Variants in CDK6 observed in about 807,000 individuals in gnomAD.
CDK6 encodes the protein cyclin dependent kinase 6, also known as cyclin-dependent kinase 6.
A neutral mutation model predicts 37.1 loss-of-function variants in CDK6; 6 were observed. That is an observed-to-expected ratio of 0.16 (90% CI 0.09 to 0.32). CDK6 has a LOEUF of 0.32. Ranked by LOEUF, CDK6 falls within the 10% of genes least tolerant of loss-of-function variation. The pLI is 1.00. For missense variants in CDK6, 224 were observed against 418.9 expected, an observed-to-expected ratio of 0.53 and a Z score of 4.06; for synonymous variants, 160 against 161.3, an observed-to-expected ratio of 0.99 and a Z score of 0.06.
intron 4 of CDK6, among the ~76,000 whole-genome samples, chr7:92,682,127 C>G (rs976513056): frequency 6.6e-6 from 1 of 152,116 alleles, no homozygotes; most frequent in Non-Finnish European, 1.5e-5. Flanking sequence ...CCTCTGTGGT[C>G]TTTTCCTGCC....
intron 4 of CDK6, among the ~76,000 whole-genome samples, chr7:92,712,575 T>C (rs1048166178): frequency 2.6e-5 from 4 of 152,232 alleles, no homozygotes; most frequent in Admixed American, 2.6e-4. Flanking sequence ...CCCCACATCC[T>C]AAAACCAAGA....
At chr7:92,658,848 G>A (rs145626656) in intron 5 of CDK6, among the ~76,000 whole-genome samples, 38 of 152,164 alleles carry the variant, frequency 2.5e-4, no homozygotes, top group African/African-American at 8.7e-4. Flanking sequence ...AAAGTGTCAC[G>A]TGGAGTGAAA....
In CDK6 at chr7:92,618,136, T is replaced by A; in HGVS notation, c.770A>T (p.Lys257Ile). The A allele has an allele frequency of 6.2e-7, 1 of 1,614,178 alleles. No individual in the cohort carries two copies. Among genetic ancestry groups the A allele is most frequent in the East Asian group, 2.2e-5 (1 of 44,886 alleles). ...AAACTTCTCAATTGGTTGGGCAGAT[T>A]TTGAATGAAAAGCCTGCCTGGGAAG... Reference protein sequence around the residue: ...VALPRQAFHSKSAQPIEKFVT... With the variant: ...VALPRQAFHSISAQPIEKFVT... Residue 257 changes from lysine to isoleucine, a missense_variant, in exon 7 of 8, where the codon AAA (lysine) becomes ATA (isoleucine). By Grantham distance (102) the Lys-to-Ile change is moderately radical (BLOSUM62 -3). Transcript: ENST00000424848.
Position 92,833,019 on chromosome 7 carries a change from T to G in CDK6, c.233+72A>C. ...CCTCTGCCCCGCACCTTTCTGGGCC[T>G]GAGGATTCCCGGCTCGGCCCTCCCC... is the stretch of plus-strand genomic sequence containing the variant. On this transcript the variant is annotated intron_variant, in intron 2 of 7. Coordinates refer to ENST00000424848, the MANE Select transcript of CDK6 (RefSeq NM_001145306.2). This position sits in a 1 kb window ranked among gnomAD's most constrained non-coding sequence, Gnocchi z 6.1. 2 of 1,112,914 alleles carry G rather than the reference T, an allele frequency of 1.8e-6. No homozygotes were observed. Among genetic ancestry groups the G allele is most frequent in the South Asian group, 2.9e-5 (2 of 68,920 alleles). The allele number at this position is 1,112,914 out of a possible 1,614,324, so 68.9% of individuals were successfully genotyped here. A position where few individuals can be genotyped will look rare whatever the true frequency, so the allele number is the denominator to read the frequency against.
intron 4 of CDK6, among the ~76,000 whole-genome samples, chr7:92,718,306 G>A (rs1275405908): frequency 6.6e-6 from 1 of 152,142 alleles, no homozygotes; most frequent in East Asian, 1.9e-4. Flanking sequence ...GTGCCGAGGC[G>A]ACGGGGCTTT....
intron 6 of CDK6, 57 bp downstream of exon 6, chr7:92,622,979 T>A (rs757099616): frequency 9.5e-7 from 1 of 1,053,734 alleles, no homozygotes; most frequent in Non-Finnish European, 1.4e-6. Context: ...CAGAGGAAAG[T>A]CACTGTAAAT....
At chr7:92,686,006 T>A (rs1797442981) in intron 4 of CDK6, among the ~76,000 whole-genome samples, 1 of 152,224 alleles carries the variant, frequency 6.6e-6, no homozygotes, top group Non-Finnish European at 1.5e-5. Flanking sequence ...TTTTACAGAA[T>A]GTGGTGTTGC....
chr7:92,788,961 A>AT (rs533300196), intron 2 of CDK6, among the ~76,000 whole-genome samples: 76 of 147,486 alleles, frequency 5.2e-4, no homozygotes, highest in Middle Eastern at 3.5e-3. Flanking sequence ...TCTACAAAAG[A>AT]TTTTTTTTTT....
chr7:92,725,431 A>C (rs2116708508), intron 4 of CDK6, 195 bp downstream of exon 4: 1 of 730,008 alleles, frequency 1.4e-6, no homozygotes, highest in East Asian at 1.3e-4. Context: ...GTCCACAACA[A>C]GCCCAGGCTG....
intron 3 of CDK6, among the ~76,000 whole-genome samples, chr7:92,726,208 G>A (rs1379976563): frequency 3.9e-5 from 6 of 152,048 alleles, no homozygotes; most frequent in African/African-American, 1.4e-4. Flanking sequence ...TATTAATGGT[G>A]ATTATTATTT....
chr7:92,794,459 G>A (rs145632772), intron 2 of CDK6, among the ~76,000 whole-genome samples: 47 of 152,040 alleles, frequency 3.1e-4, no homozygotes, highest in African/African-American at 1.1e-3. Context: ...TGCCCCACTC[G>A]CCACTCCATC....
chr7:92,833,250 C>A lies in CDK6; in HGVS notation c.74G>T (p.Gly25Val). 6.2e-7 allele frequency: 1 copy of A among 1,610,828 alleles called. No individual in the cohort carries two copies. The change falls in exon 2 of 8, where the codon GGG (glycine) becomes GTG (valine). Residue 25 changes from glycine (G) to valine (V), a missense_variant. Transcript: ENST00000424848. This position sits in a 1 kb window ranked among gnomAD's most constrained non-coding sequence, Gnocchi z 6.1. ...CVAEIGEGAY[G>V]KVFKARDLKN... ...CAAGTCGCGGGCCTTGAACACCTTC[C>A]CATAGGCGCCCTCCCCGATCTCCGC...
chr7:92,809,250 T>C (rs1292705052), intron 2 of CDK6, among the ~76,000 whole-genome samples: 1 of 152,164 alleles, frequency 6.6e-6, no homozygotes. Flanking sequence ...CTTAAAAAGT[T>C]TCAAGGTTTC....
chr7:92,743,724 T>G (rs1354169792), intron 3 of CDK6, among the ~76,000 whole-genome samples: 1 of 152,200 alleles, frequency 6.6e-6, no homozygotes, highest in Admixed American at 6.5e-5. Flanking sequence ...TCACATACAC[T>G]GATGGTGAAA....
chr7:92,671,737 C>T (rs1797075097), intron 4 of CDK6, among the ~76,000 whole-genome samples: 1 of 152,170 alleles, frequency 6.6e-6, no homozygotes, highest in Non-Finnish European at 1.5e-5. Flanking sequence ...AAACTGGGTT[C>T]CCACCTCCAA....
intron 4 of CDK6, among the ~76,000 whole-genome samples, chr7:92,675,325 G>T (rs1222443239): frequency 1.3e-5 from 2 of 152,194 alleles, no homozygotes; most frequent in African/African-American, 2.4e-5. Flanking sequence ...CACTCAAAAT[G>T]TAGAATGAAT....
chr7:92,794,357 C>G (rs762527670), intron 2 of CDK6, among the ~76,000 whole-genome samples: 3 of 152,026 alleles, frequency 2.0e-5, no homozygotes, highest in Non-Finnish European at 4.4e-5. Context: ...AATGAGAGAG[C>G]CAGGATTTGT....
intron 4 of CDK6, among the ~76,000 whole-genome samples, chr7:92,697,334 C>A (rs1252794568): frequency 6.6e-6 from 1 of 152,182 alleles, no homozygotes; most frequent in African/African-American, 2.4e-5. Context: ...AGCTGCACAA[C>A]AGAGAAGACA....
intron 5 of CDK6, among the ~76,000 whole-genome samples, chr7:92,654,030 C>CA (rs1477889967): frequency 6.6e-6 from 1 of 152,082 alleles, no homozygotes; most frequent in Non-Finnish European, 1.5e-5. Flanking sequence ...CAATATCATC[C>CA]TTTATGTCAA....
Sources: gnomAD v4.1 joint callset for allele counts (sites outside exome capture counted in the v4.1 genomes callset) on GRCh38, gnomAD v4.1.1 for gene constraint, Gnocchi (gnomAD v3.1) non-coding constraint, MANE v1.5 for transcripts, NCBI Gene and HGNC (gene_info 2026-07-23, HGNC 2026-07-21) for gene names.